The following CNTNAP2 variants were observed in gnomAD, a reference collection of about 807,000 sequenced individuals.
The protein encoded by CNTNAP2 is contactin associated protein 2.
In CNTNAP2, 98 loss-of-function variants were observed where a neutral mutation model predicts 155.2. The ratio of observed to expected loss-of-function variants is 0.63; its 90% CI spans 0.54 to 0.75. The LOEUF (loss-of-function observed/expected upper bound fraction) is 0.75, where lower values mean the gene tolerates loss of function less well. Among genes scored for constraint, CNTNAP2 ranks in the 30% least tolerant of loss-of-function variants. The pLI is 0.00. For synonymous variants in CNTNAP2, 651 were observed against 631.2 expected, an observed-to-expected ratio of 1.03 and a Z score of -0.47; for missense variants, 1,727 against 1,688.1, an observed-to-expected ratio of 1.02 and a Z score of -0.40.
chr7:146,143,988 C>T (rs369322880), intron 1 of CNTNAP2, among the ~76,000 whole-genome samples: 5 of 152,134 alleles, frequency 3.3e-5, no homozygotes, highest in African/African-American at 1.2e-4. Context: ...TCTTGAACTC[C>T]TGACTTCAGG....
At chr7:147,773,445 A>C (rs1031475868) in intron 13 of CNTNAP2, among the ~76,000 whole-genome samples, 4 of 152,132 alleles carry the variant, frequency 2.6e-5, no homozygotes, top group Non-Finnish European at 5.9e-5. Context: ...AGACCAGCCC[A>C]GCCAACATGG....
chr7:146,183,673 A>G (rs945218483), intron 1 of CNTNAP2, among the ~76,000 whole-genome samples: 7 of 151,998 alleles, frequency 4.6e-5, no homozygotes, highest in Non-Finnish European at 1.0e-4. Flanking sequence ...TAGAAACTCA[A>G]CTGCCATCAG....
At chr7:146,288,042 C>T (rs1297801055) in intron 1 of CNTNAP2, among the ~76,000 whole-genome samples, 2 of 152,040 alleles carry the variant, frequency 1.3e-5, no homozygotes, top group Non-Finnish European at 2.9e-5. Context: ...GGGCCAGGAG[C>T]AGTGGCCCAC....
chr7:147,286,145 T>G (rs1316131544), intron 8 of CNTNAP2, among the ~76,000 whole-genome samples: 1 of 152,108 alleles, frequency 6.6e-6, no homozygotes, highest in Non-Finnish European at 1.5e-5. Flanking sequence ...AGGAATTGAT[T>G]TGAATGTCCT....
intron 3 of CNTNAP2, among the ~76,000 whole-genome samples, chr7:146,980,310 G>A (rs1797990074): frequency 6.6e-6 from 1 of 152,172 alleles, no homozygotes; most frequent in Non-Finnish European, 1.5e-5. Flanking sequence ...GCTAATACAG[G>A]TAAGGACTGA....
chr7:147,814,526 A>G (rs17824874), intron 13 of CNTNAP2, among the ~76,000 whole-genome samples: 53,324 of 152,084 alleles, frequency 0.35, 9,637 homozygotes, highest in African/African-American at 0.44. Flanking sequence ...AAAACAGCTT[A>G]AGAGGCACAT....
At chr7:146,755,719 C>A (rs1015687490) in intron 1 of CNTNAP2, among the ~76,000 whole-genome samples, 2 of 151,902 alleles carry the variant, frequency 1.3e-5, no homozygotes, top group African/African-American at 4.8e-5. Flanking sequence ...TCAGAAAGTG[C>A]ATCAAGAAAA....
chr7:147,029,619 G>T (rs951339775), intron 3 of CNTNAP2, among the ~76,000 whole-genome samples: 1 of 151,414 alleles, frequency 6.6e-6, no homozygotes, highest in Non-Finnish European at 1.5e-5. Flanking sequence ...GTAGACCCAA[G>T]AATTGTCACT....
chr7:147,110,485 CT>C (rs1425747629), intron 5 of CNTNAP2, among the ~76,000 whole-genome samples: 3 of 152,146 alleles, frequency 2.0e-5, no homozygotes, highest in African/African-American at 7.2e-5. Context: ...AGTATTAAGG[CT>C]GGCATCCATT....
At chr7:147,709,221 C>A (rs941758913) in intron 13 of CNTNAP2, among the ~76,000 whole-genome samples, 20 of 152,166 alleles carry the variant, frequency 1.3e-4, no homozygotes, top group African/African-American at 4.6e-4. Context: ...CCCTACAGGA[C>A]TTCTCCATCA....
chr7:148,161,203 A>G (rs1428580890), intron 17 of CNTNAP2, among the ~76,000 whole-genome samples: 1 of 152,196 alleles, frequency 6.6e-6, no homozygotes, highest in Non-Finnish European at 1.5e-5. Flanking sequence ...CTGCCGCTTC[A>G]TGTCGGCACC....
At chr7:148,260,349 A>G (rs935171851) in intron 20 of CNTNAP2, among the ~76,000 whole-genome samples, 3 of 152,180 alleles carry the variant, frequency 2.0e-5, no homozygotes, top group Non-Finnish European at 4.4e-5. Flanking sequence ...TGGACACTTT[A>G]TAATATCAAA....
intron 13 of CNTNAP2, among the ~76,000 whole-genome samples, chr7:147,864,864 A>G (rs1258995756): frequency 2.6e-5 from 4 of 152,310 alleles, no homozygotes; most frequent in South Asian, 2.1e-4. Context: ...CAATCATGTC[A>G]TCTGCAAACA....
chr7:146,192,361 A>T (rs1798718613), intron 1 of CNTNAP2, among the ~76,000 whole-genome samples: 1 of 152,184 alleles, frequency 6.6e-6, no homozygotes, highest in Non-Finnish European at 1.5e-5. Context: ...CTAAGATATT[A>T]GCCTGTTCTC....
chr7:147,111,267 G>A (rs1800873680), intron 5 of CNTNAP2, among the ~76,000 whole-genome samples: 1 of 152,158 alleles, frequency 6.6e-6, no homozygotes, highest in East Asian at 1.9e-4. Context: ...CTAGATATTA[G>A]ACCTTTGTCA....
chr7:146,432,173 A>G (rs944696499), intron 1 of CNTNAP2, among the ~76,000 whole-genome samples: 2 of 152,186 alleles, frequency 1.3e-5, no homozygotes, highest in Non-Finnish European at 2.9e-5. Flanking sequence ...TCATTGATGT[A>G]GAAACAGGAG....
chr7:146,488,697 G>A (rs533828143), intron 1 of CNTNAP2, among the ~76,000 whole-genome samples: 2 of 152,154 alleles, frequency 1.3e-5, no homozygotes, highest in East Asian at 3.9e-4. Context: ...CCATGATTTT[G>A]GCTCACTTGC....
intron 13 of CNTNAP2, among the ~76,000 whole-genome samples, chr7:147,661,827 A>G (rs759043529): frequency 2.6e-5 from 4 of 152,150 alleles, no homozygotes; most frequent in Admixed American, 6.5e-5. Context: ...CTGGGATTAT[A>G]GGCGTGAGCC....
chr7:146,707,909 T>C (rs544027811), intron 1 of CNTNAP2, among the ~76,000 whole-genome samples: 24 of 151,854 alleles, frequency 1.6e-4, no homozygotes, highest in Admixed American at 3.9e-4. Context: ...GGCATAGCAC[T>C]TTTTTTTAAT....
Sources: allele counts gnomAD v4.1 joint callset (sites outside exome capture counted in the v4.1 genomes callset), GRCh38; gene constraint gnomAD v4.1.1; transcripts MANE v1.5; gene names NCBI Gene and HGNC (gene_info 2026-07-23, HGNC 2026-07-21).